Variants in ABL1 observed in about 807,000 individuals in gnomAD.
ABL1 encodes ABL proto-oncogene 1, non-receptor tyrosine kinase.
Under a neutral mutation model 94.7 loss-of-function variants are expected in ABL1, and 11 were observed. The observed-to-expected ratio is 0.12, with a 90% confidence interval of 0.07 to 0.19. ABL1 has a LOEUF of 0.19. ABL1 is among the 10% of genes least tolerant of loss of function. The pLI is 1.00. For missense variants in ABL1, 1,082 were observed against 1,489.4 expected (o/e 0.73, Z 4.50); for synonymous variants, 656 against 622.4 (o/e 1.05, Z -0.80).
chr9:130,844,664 G>T (rs918607929), intron 1 of ABL1, among the ~76,000 whole-genome samples: 1 of 152,136 alleles, frequency 6.6e-6, no homozygotes, highest in Non-Finnish European at 1.5e-5. Flanking sequence ...AGCTGGGCAT[G>T]GTGGTAGGCG....
At chr9:130,841,479 G>GAA (rs1830670420) in intron 1 of ABL1, among the ~76,000 whole-genome samples, 2 of 152,118 alleles carry the variant, frequency 1.3e-5, no homozygotes, top group Non-Finnish European at 2.9e-5. Flanking sequence ...TGGGCCATAT[G>GAA]CAGCCCGTGG....
intron 10 of ABL1, among the ~76,000 whole-genome samples, chr9:130,881,004 G>A (rs1050391665): frequency 6.6e-6 from 1 of 152,216 alleles, no homozygotes; most frequent in Non-Finnish European, 1.5e-5. Flanking sequence ...ACAATAGTAA[G>A]CACCAGGCTG....
intron 1 of ABL1, among the ~76,000 whole-genome samples, chr9:130,748,662 G>C (rs1288603360): frequency 1.3e-5 from 2 of 151,258 alleles, no homozygotes; most frequent in African/African-American, 2.4e-5. Flanking sequence ...TGCAACCTTC[G>C]CCTCCCGGGT....
chr9:130,786,798 G>C (rs1450287062), intron 1 of ABL1, among the ~76,000 whole-genome samples: 1 of 152,106 alleles, frequency 6.6e-6, no homozygotes, highest in East Asian at 1.9e-4. Flanking sequence ...GCCACACTTT[G>C]CAATTAGTTA....
intron 1 of ABL1, among the ~76,000 whole-genome samples, chr9:130,762,020 G>A (rs1444861551): frequency 6.6e-6 from 1 of 152,052 alleles, no homozygotes; most frequent in African/African-American, 2.4e-5. Context: ...GCGCGTGCCT[G>A]TAATCCCAGC....
intron 1 of ABL1, among the ~76,000 whole-genome samples, chr9:130,845,792 C>G (rs1830758774): frequency 6.6e-6 from 1 of 152,004 alleles, no homozygotes; most frequent in African/African-American, 2.4e-5. Flanking sequence ...GAGGACTGTT[C>G]TCCTTTGCAA....
chr9:130,728,369 GTTTTT>G (rs55957334), intron 1 of ABL1, among the ~76,000 whole-genome samples: 2 of 135,812 alleles, frequency 1.5e-5, no homozygotes, highest in Non-Finnish European at 3.1e-5. Context: ...TACCTGGCTG[GTTTTT>G]TTTTTTTTTC....
chr9:130,770,169 CTG>C (rs1355628939), intron 1 of ABL1, among the ~76,000 whole-genome samples: 1,057 of 51,138 alleles, frequency 0.021, 13 homozygotes, highest in African/African-American at 0.095. Context: ...GTCTCTCTCT[CTG>C]TCTCTCTCTC....
rs943552961 is a variant in ABL1, at chr9:130,878,874, ATT to A, written c.1423+326_1423+327del. Among the ~76,000 whole-genome samples the A allele has an allele frequency of 1.1e-3, 135 of 127,236 alleles. No individual in the cohort carries two copies. In the East Asian group the frequency reaches 0.013, roughly 13 times the overall value. The allele number at this position is 127,236 out of a possible 152,430, so 83.5% of individuals were successfully genotyped here. On this transcript the variant is annotated intron_variant, in intron 8 of 10. Coordinates refer to ENST00000318560, the MANE Select transcript of ABL1 (RefSeq NM_005157.6). ...CTATAGTAGCTAAGCTCATGAGGTGATTTTTTTTTTTTTTTTTTTTGAGACGG... is the reference window on the plus strand; with the variant it reads ...CTATAGTAGCTAAGCTCATGAGGTGATTTTTTTTTTTTTTTTTTGAGACGG...
intron 1 of ABL1, among the ~76,000 whole-genome samples, chr9:130,826,177 T>G (rs1215592084): frequency 6.7e-6 from 1 of 150,160 alleles, no homozygotes; most frequent in Non-Finnish European, 1.5e-5. Flanking sequence ...TGAGACAGAG[T>G]CGGCGCAATT....
At chr9:130,821,012 C>T (rs1436240232) in intron 1 of ABL1, among the ~76,000 whole-genome samples, 1 of 152,102 alleles carries the variant, frequency 6.6e-6, no homozygotes, top group Non-Finnish European at 1.5e-5. Flanking sequence ...TCACTGCAGC[C>T]TCCACCTCCC....
intron 1 of ABL1, among the ~76,000 whole-genome samples, chr9:130,741,904 C>A (rs1831824976): frequency 6.6e-6 from 1 of 152,128 alleles, no homozygotes; most frequent in Non-Finnish European, 1.5e-5. Flanking sequence ...GTAAAGTGAG[C>A]TGGTTGGGAT....
rs146536114 is a variant in ABL1, at chr9:130,771,230, A to G, written c.136+56775A>G. ...TAGGGGCAGCTGTATGTATGTATGT[A>G]TGTGTGTGTGTGTATGTATGTATGT... On this transcript the variant is annotated intron_variant, in intron 1 of 10. Coordinates refer to the ABL1 transcript ENST00000372348. 6.9e-3 allele frequency among the ~76,000 whole-genome samples: 1,001 copies of G among 145,390 alleles called. 10 individuals carry two copies. Among genetic ancestry groups the G allele is most frequent in the South Asian group, 0.018 (86 of 4,734 alleles).
In ABL1 at chr9:130,862,726, T is replaced by G; in HGVS notation, c.550-37T>G. 1 of 1,598,478 alleles carries G rather than the reference T, an allele frequency of 6.3e-7. No individual in the cohort carries two copies. The highest frequency in any genetic ancestry group is 8.5e-7 in the Non-Finnish European group (1 of 1,172,644). Reference sequence around the variant, plus strand: ...CACGTGAGCTCTTTGAGCTTGCCTGTCTCTGTGGGCTGAAGGCTGTTCCCT... The same window carrying G: ...CACGTGAGCTCTTTGAGCTTGCCTGGCTCTGTGGGCTGAAGGCTGTTCCCT... On this transcript the variant is annotated intron_variant, in intron 3 of 10. Transcript: ENST00000318560. The surrounding 1 kb of genome is among the most constrained non-coding windows in gnomAD (Gnocchi z 5.5).
intron 1 of ABL1, among the ~76,000 whole-genome samples, chr9:130,727,615 A>G (rs1247229961): frequency 2.0e-5 from 3 of 151,858 alleles, no homozygotes; most frequent in African/African-American, 4.8e-5. Context: ...TACAAAAATT[A>G]GCTGGGCTTG....
chr9:130,758,157 A>ATT (rs375183745), intron 1 of ABL1, among the ~76,000 whole-genome samples: 75 of 145,186 alleles, frequency 5.2e-4, no homozygotes, highest in Middle Eastern at 7.0e-3. Context: ...AGTGGCTAAG[A>ATT]TTTTTTTTTT....
chr9:130,732,392 C>G (rs1450188252), intron 1 of ABL1, among the ~76,000 whole-genome samples: 1 of 152,136 alleles, frequency 6.6e-6, no homozygotes, highest in Non-Finnish European at 1.5e-5. Flanking sequence ...GACATTTACT[C>G]AACCTGATCT....
chr9:130,826,079 A>G (rs1001098505), intron 1 of ABL1, among the ~76,000 whole-genome samples: 1 of 152,228 alleles, frequency 6.6e-6, no homozygotes, highest in African/African-American at 2.4e-5. Flanking sequence ...GGCAAGTTAT[A>G]TAACCTATCT....
chr9:130,856,465 GCCC>G (rs1830977179), intron 3 of ABL1, among the ~76,000 whole-genome samples: 1 of 151,948 alleles, frequency 6.6e-6, no homozygotes, highest in African/African-American at 2.4e-5. Flanking sequence ...CAAGCAATCT[GCCC>G]TCCTCGGCCT....
Sources: gnomAD v4.1 joint callset for allele counts (sites outside exome capture counted in the v4.1 genomes callset) on GRCh38, gnomAD v4.1.1 for gene constraint, Gnocchi (gnomAD v3.1) non-coding constraint, MANE v1.5 for transcripts, NCBI Gene and HGNC (gene_info 2026-07-23, HGNC 2026-07-21) for gene names.